HUNK: variants seen among roughly 807,000 people sequenced by gnomAD.
HUNK encodes the protein hormonally up-regulated neu tumor-associated kinase.
HUNK carries 21 observed loss-of-function variants against 61.0 expected under a neutral mutation model. The observed-to-expected ratio is 0.34, with a 90% CI of 0.24 to 0.50. The LOEUF is 0.50. HUNK is among the 20% of genes least tolerant of loss of function. The probability of loss-of-function intolerance (pLI) is 0.98; values close to 1 mark genes in which losing one functional copy is unlikely to be tolerated. For missense variants in HUNK, 772 were observed against 945.7 expected (o/e 0.82, Z 2.41); for synonymous variants, 371 against 386.1 (o/e 0.96, Z 0.46).
intron 5 of HUNK, among the ~76,000 whole-genome samples, chr21:31,961,418 G>A (rs1247297647): frequency 6.6e-6 from 1 of 152,168 alleles, no homozygotes. Context: ...ATGCCTAAGA[G>A]TGAAATTGCT....
intron 1 of HUNK, among the ~76,000 whole-genome samples, chr21:31,900,501 A>G (rs1488179950): frequency 7.1e-6 from 1 of 140,826 alleles, no homozygotes; most frequent in Non-Finnish European, 1.5e-5. Flanking sequence ...GCTCGTCATG[A>G]TTTTTCACGA....
chr21:31,988,780 C>G (rs2053151775), intron 8 of HUNK, among the ~76,000 whole-genome samples: 1 of 149,070 alleles, frequency 6.7e-6, no homozygotes, highest in South Asian at 2.2e-4. Flanking sequence ...CTTTCTCTCT[C>G]TCTCTTTTTC....
intron 4 of HUNK, among the ~76,000 whole-genome samples, chr21:31,952,853 T>C (rs187794386): frequency 2.6e-5 from 4 of 152,046 alleles, no homozygotes; most frequent in African/African-American, 9.6e-5. Flanking sequence ...GAAAAACCCC[T>C]GGTCGTATTT....
Position 31,923,395 on chromosome 21 carries a change from G to C in HUNK, c.262-1073G>C, listed in dbSNP as rs371379445. Among the ~76,000 whole-genome samples the C allele has an allele frequency of 4.0e-5, 6 of 151,522 alleles. No individual in the cohort carries two copies. The East Asian group carries it at 5.8e-4, about 15-fold the overall frequency. ...TTTGAGGCTTCAGTGAGCCATGATT[G>C]CACCATGTACTCCAGCCTGGGCAAC... On this transcript the variant is annotated intron_variant, in intron 1 of 10. Coordinates refer to ENST00000270112, the MANE Select transcript of HUNK (RefSeq NM_014586.2).
intron 8 of HUNK, among the ~76,000 whole-genome samples, chr21:31,984,671 A>G (rs1242298134): frequency 1.3e-5 from 2 of 152,212 alleles, no homozygotes; most frequent in Non-Finnish European, 2.9e-5. Context: ...GGAGGGGGCC[A>G]GGAGTGGGGT....
At chr21:31,936,769 C>T (rs1182590070) in intron 2 of HUNK, among the ~76,000 whole-genome samples, 2 of 151,446 alleles carry the variant, frequency 1.3e-5, no homozygotes, top group East Asian at 1.9e-4. Context: ...TTTGGTCTTT[C>T]GTTTATATCA....
intron 9 of HUNK, among the ~76,000 whole-genome samples, chr21:31,993,862 A>G (rs995569289): frequency 6.6e-6 from 1 of 152,040 alleles, no homozygotes; most frequent in Non-Finnish European, 1.5e-5. Flanking sequence ...CTTCTCTGGA[A>G]CATTCAGATC....
At chr21:31,985,480 G>A (rs1383589498) in intron 8 of HUNK, among the ~76,000 whole-genome samples, 3 of 152,208 alleles carry the variant, frequency 2.0e-5, no homozygotes. Flanking sequence ...CTGTGCGAAT[G>A]TGATGGGAGC....
chr21:31,919,096 G>T (rs548694059), intron 1 of HUNK, among the ~76,000 whole-genome samples: 11 of 98,934 alleles, frequency 1.1e-4, no homozygotes, highest in African/African-American at 2.9e-4. Context: ...GGTATGAGGA[G>T]GAGGGGCTGG....
At chr21:31,953,501 T>C (rs972630303) in intron 4 of HUNK, among the ~76,000 whole-genome samples, 23 of 152,262 alleles carry the variant, frequency 1.5e-4, no homozygotes, top group Non-Finnish European at 2.4e-4. Context: ...CCTGAAATGC[T>C]GGGATTACAG....
Position 31,974,711 on chromosome 21 carries a change from G to A in HUNK, c.1167G>A (p.Leu389=). 3 of 1,613,298 alleles carry A rather than the reference G, an allele frequency of 1.9e-6. No homozygotes were observed. The highest frequency in any genetic ancestry group is 2.5e-6 in the Non-Finnish European group (3 of 1,179,652). The change falls in exon 7 of 11, where the codon TTG becomes TTA. Residue 389 remains leucine, a synonymous_variant. Coordinates refer to ENST00000270112, the MANE Select transcript of HUNK (RefSeq NM_014586.2). ...TAAACAAGAAACTGGAGCGCTATTT[G>A]TCAGGGGTAAGTGCGACCCTAGAGG... ...FLLNKKLERY[L]SGKSDIQDSL...
At chr21:31,883,466 G>A (rs143192380) in intron 1 of HUNK, among the ~76,000 whole-genome samples, 2,482 of 151,888 alleles carry the variant, frequency 0.016, 31 homozygotes, top group Non-Finnish European at 0.025. Context: ...TTTCTTTTGG[G>A]GTTTTGGCCT....
At chr21:31,959,012 T>C (rs1486375482) in intron 5 of HUNK, 42 bp downstream of exon 5, 3 of 1,522,446 alleles carry the variant, frequency 2.0e-6, no homozygotes, top group African/African-American at 2.8e-5. Context: ...AGGACTGCTG[T>C]CGTGACCAGT....
intron 5 of HUNK, among the ~76,000 whole-genome samples, chr21:31,966,545 C>A (rs970575153): frequency 3.3e-5 from 5 of 152,180 alleles, no homozygotes; most frequent in African/African-American, 1.2e-4. Context: ...GTTGACCTGG[C>A]TGCATGACCT....
intron 1 of HUNK, among the ~76,000 whole-genome samples, chr21:31,896,985 C>A (rs2052429450): frequency 6.6e-6 from 1 of 152,166 alleles, no homozygotes; most frequent in African/African-American, 2.4e-5. Context: ...TGGCTCACAC[C>A]TGTAATCCCA....
intron 7 of HUNK, 152 bp from the exon 8 acceptor site, chr21:31,983,374 T>G (rs2053111543): frequency 3.1e-6 from 2 of 642,972 alleles, no homozygotes; most frequent in Non-Finnish European, 5.4e-6. Flanking sequence ...CTGCAGGCCT[T>G]CCTGGGGTGA....
chr21:31,984,272 G>A (rs537948837), intron 8 of HUNK, among the ~76,000 whole-genome samples: 3 of 152,116 alleles, frequency 2.0e-5, no homozygotes, highest in African/African-American at 7.2e-5. Context: ...AATATTTGAG[G>A]TAATAAATAT....
At chr21:31,966,523 T>C (rs1167437750) in intron 5 of HUNK, among the ~76,000 whole-genome samples, 1 of 152,170 alleles carries the variant, frequency 6.6e-6, no homozygotes, top group Non-Finnish European at 1.5e-5. Context: ...TGGTGGTGGG[T>C]TGACCATGGA....
intron 1 of HUNK, among the ~76,000 whole-genome samples, chr21:31,887,252 C>G (rs1042599149): frequency 6.6e-6 from 1 of 152,174 alleles, no homozygotes; most frequent in Non-Finnish European, 1.5e-5. Flanking sequence ...GGGATGTTAA[C>G]GGACCCTCTC....
Sources: gnomAD v4.1 joint callset for allele counts (sites outside exome capture counted in the v4.1 genomes callset) on GRCh38, gnomAD v4.1.1 for gene constraint, MANE v1.5 for transcripts, NCBI Gene and HGNC (gene_info 2026-07-23, HGNC 2026-07-21) for gene names.